The following PACS2 variants were observed in gnomAD, a reference collection of about 807,000 sequenced individuals.
PACS2 encodes the protein phosphofurin acidic cluster sorting protein 2.
In PACS2, 36 loss-of-function variants were observed where a neutral mutation model predicts 113.0. That is an observed-to-expected ratio of 0.32 (90% CI 0.24 to 0.42). The LOEUF (loss-of-function observed/expected upper bound fraction) is 0.42. Among genes scored for constraint, PACS2 ranks in the 10% least tolerant of loss-of-function variants. The pLI is 1.00. For missense variants in PACS2, 1,015 were observed against 1,239.5 expected (o/e 0.82, Z 2.72); for synonymous variants, 589 against 536.1 (o/e 1.10, Z -1.36).
chr14:105,326,420 G>A (rs148374892), intron 1 of PACS2, among the ~76,000 whole-genome samples: 2,120 of 152,354 alleles, frequency 0.014, 19 homozygotes, highest in South Asian at 0.032. Flanking sequence ...GCAGGAGGCC[G>A]ATGCCCTGCT....
In PACS2 at chr14:105,380,108, T is replaced by A; in HGVS notation, c.1079T>A (p.Leu360Gln). ...GACGTGCCCGAGAAGACGCGGTCCC[T>A]GGGAGGCAGGCAGCCGAGCGACAGT... is the stretch of plus-strand genomic sequence containing the variant. ...PADVPEKTRS[L>Q]GGRQPSDSVS... is the part of the protein sequence containing the mutation. The change falls in exon 11 of 25, where the codon CTG becomes CAG. Residue 360 changes from leucine to glutamine, a missense_variant. By Grantham distance (113) the Leu-to-Gln change is moderately radical (BLOSUM62 -2). Transcript: ENST00000447393. 1 of 1,553,296 alleles carries A rather than the reference T, an allele frequency of 6.4e-7. No individual in the cohort carries two copies. The highest frequency in any genetic ancestry group is 8.7e-7 in the Non-Finnish European group (1 of 1,148,182).
upstream of PACS2, among the ~76,000 whole-genome samples, chr14:105,313,141 C>T (rs913068020): frequency 6.6e-6 from 1 of 152,180 alleles, no homozygotes; most frequent in African/African-American, 2.4e-5. Flanking sequence ...AGTTGTAGTC[C>T]CTGCCTGGGT....
intron 1 of PACS2, among the ~76,000 whole-genome samples, chr14:105,322,210 A>G (rs587725717): frequency 6.6e-6 from 1 of 151,942 alleles, no homozygotes; most frequent in South Asian, 2.1e-4. Context: ...TGCTGGGATT[A>G]CAGGCTGAGC....
At position 105,379,754 on chromosome 14, in the gene PACS2, C is replaced by T; in HGVS notation, c.975C>T (p.Gly325=). ...CCTGAGCCAGGCCATACTTTGAAGG[C>T]CTGTCGCACTCGAGCTCGCAGACGG... ...PKPKLRPYFE[G]LSHSSSQTEI... The change falls in exon 10 of 25, where the codon GGC becomes GGT. Residue 325 remains glycine, a synonymous_variant. Coordinates refer to ENST00000447393, the MANE Select transcript of PACS2 (RefSeq NM_001100913.3). 1 of 1,613,762 alleles carries T rather than the reference C, an allele frequency of 6.2e-7. No individual in the cohort carries two copies. Among genetic ancestry groups the T allele is most frequent in the South Asian group, 1.1e-5 (1 of 91,078 alleles).
At chr14:105,390,283 G>T in intron 20 of PACS2, 1 of 493,916 alleles carries the variant, frequency 2.0e-6, no homozygotes, top group South Asian at 2.1e-5. Context: ...ACACCCAGGA[G>T]GCTTGGCCCC....
intron 17 of PACS2, 90 bp downstream of exon 17, chr14:105,384,553 T>TGCTCAG: frequency 6.4e-6 from 5 of 787,156 alleles, no homozygotes; most frequent in Non-Finnish European, 1.1e-5. Context: ...GCCCTGCACC[T>TGCTCAG]GCTCAGGCTC....
Position 105,376,463 on chromosome 14 carries a change from G to A in PACS2, c.802-305G>A, listed in dbSNP as rs2080778931. Among the ~76,000 whole-genome samples, 1 of 152,100 alleles carries A rather than the reference G, an allele frequency of 6.6e-6. No individual in the cohort carries two copies. The highest frequency in any genetic ancestry group is 1.5e-5 in the Non-Finnish European group (1 of 67,998). ...TGGTTTTGGTGGTGGCTGCACAGTG[G>A]CCCACACCCGTCAGAGCTCACCTGC... On this transcript the variant is annotated intron_variant, in intron 8 of 24. Coordinates refer to ENST00000447393, the MANE Select transcript of PACS2 (RefSeq NM_001100913.3). The surrounding 1 kb of genome is among the most constrained non-coding windows in gnomAD (Gnocchi z 4.7).
chr14:105,349,082 G>C (rs1379685294), intron 2 of PACS2, among the ~76,000 whole-genome samples: 1 of 152,224 alleles, frequency 6.6e-6, no homozygotes, highest in Non-Finnish European at 1.5e-5. Context: ...GTTCCAGAGG[G>C]GTCATGCTGG....
In PACS2 at chr14:105,317,746, C is replaced by T. The variant is rs1209356769; in HGVS notation, c.119+2709C>T. ...TTGCTCTCTGAGCAGCCTCTGGGTG[C>T]ACTCCCCGTGTCAGCCTGGTGGAGT... is the stretch of plus-strand genomic sequence containing the variant. On this transcript the variant is annotated intron_variant, in intron 1 of 24. Coordinates refer to ENST00000447393, the MANE Select transcript of PACS2 (RefSeq NM_001100913.3). The surrounding 1 kb of genome is among the most constrained non-coding windows in gnomAD (Gnocchi z 4.2). 2.0e-5 allele frequency among the ~76,000 whole-genome samples: 3 copies of T among 152,148 alleles called. No individual in the cohort carries two copies. Among genetic ancestry groups the T allele is most frequent in the Non-Finnish European group, 4.4e-5 (3 of 68,040 alleles).
At chr14:105,352,608 T>A in intron 3 of PACS2, 141 bp downstream of exon 3, 1 of 533,702 alleles carries the variant, frequency 1.9e-6, no homozygotes, top group Non-Finnish European at 3.3e-6. Flanking sequence ...CAGTGTCCCC[T>A]GGGGAGACGG....
chr14:105,368,206 T>C, intron 6 of PACS2, 59 bp downstream of exon 6: 1 of 1,233,844 alleles, frequency 8.1e-7, no homozygotes, highest in Non-Finnish European at 1.2e-6. Flanking sequence ...TCCTGGGGTC[T>C]GTGGGGTCCT....
chr14:105,325,173 G>GA (rs1436399225), intron 1 of PACS2, among the ~76,000 whole-genome samples: 1 of 151,098 alleles, frequency 6.6e-6, no homozygotes, highest in African/African-American at 2.5e-5. Flanking sequence ...GTGGGACGGG[G>GA]GGGGGCTCGG....
At chr14:105,339,524 A>AT (rs59500418) in intron 1 of PACS2, among the ~76,000 whole-genome samples, 1 of 147,806 alleles carries the variant, frequency 6.8e-6, no homozygotes, top group Non-Finnish European at 1.5e-5. Context: ...AAAAAAAAAA[A>AT]GGAAGAAAAA....
rs148287515 is a variant in PACS2 at position 105,316,397 on chromosome 14, A to G, written c.119+1360A>G. Among the ~76,000 whole-genome samples the G allele has an allele frequency of 2.5e-3, 380 of 152,228 alleles. 2 individuals are homozygous for G. Among genetic ancestry groups the G allele is most frequent in the African/African-American group, 9.0e-3 (375 of 41,548 alleles). On this transcript the variant is annotated intron_variant, in intron 1 of 24. Transcript: ENST00000447393. ...ATTCCAGGTCTTGGCGATTGCCCCA[A>G]TGTCAGGTCCCACAGCCCCACAGCC...
Position 105,302,037 on chromosome 14 carries a change from T to G in PACS2, c.-83+1058T>G, listed in dbSNP as rs1362086070. Among the ~76,000 whole-genome samples, 4 of 151,210 alleles carry G rather than the reference T, an allele frequency of 2.6e-5. 1 individual carries two copies. The South Asian group carries it at 8.4e-4, about 32-fold the overall frequency. On this transcript the variant is annotated intron_variant, in intron 1 of 23. Coordinates refer to the PACS2 transcript ENST00000430725. ...GCCTGTAATCCCAGCTACTCGCGAG[T>G]CTGAGACAGGAGAACCACTTGAACC...
intron 4 of PACS2, among the ~76,000 whole-genome samples, chr14:105,362,270 T>TA (rs1241295180): frequency 2.5e-4 from 38 of 150,472 alleles, no homozygotes; most frequent in African/African-American, 9.1e-4. Flanking sequence ...TATAAAAAAT[T>TA]AGCTGGGCGT....
chr14:105,332,911 C>G (rs587731197), intron 1 of PACS2, among the ~76,000 whole-genome samples: 16 of 152,306 alleles, frequency 1.1e-4, no homozygotes, highest in African/African-American at 3.6e-4. Context: ...GAGACAGTCT[C>G]ATGCCCCCAC....
chr14:105,383,368 C>T lies in PACS2; in HGVS notation c.1635C>T (p.Cys545=). The T allele has an allele frequency of 6.2e-7, 1 of 1,607,318 alleles. No homozygotes were observed. The highest frequency in any genetic ancestry group is 1.3e-5 in the African/African-American group (1 of 75,056). The change falls in exon 16 of 25, where the codon TGC becomes TGT. Residue 545 remains cysteine (C), a synonymous_variant. Transcript: ENST00000447393. ...TGCCTCTGGATTGCAGCTGCAACTG[C>T]AATTCCCAGCCCCCGACCCCCGTGA... ...IVSRIQRYCN[C]NSQPPTPVKI...
intron 1 of PACS2, among the ~76,000 whole-genome samples, chr14:105,335,410 G>A (rs1035453204): frequency 6.5e-4 from 98 of 151,670 alleles, no homozygotes; most frequent in African/African-American, 2.3e-3. Context: ...GGCGCCTGGC[G>A]TGGCTCTGAC....
Sources: allele counts gnomAD v4.1 joint callset (sites outside exome capture counted in the v4.1 genomes callset), GRCh38; gene constraint gnomAD v4.1.1; non-coding constraint Gnocchi (gnomAD v3.1); transcripts MANE v1.5; gene names NCBI Gene and HGNC (gene_info 2026-07-23, HGNC 2026-07-21).